The following RBPJ variants were observed in gnomAD, a reference collection of about 807,000 sequenced individuals.
The protein encoded by RBPJ is recombination signal binding protein for immunoglobulin kappa J region, also known as recombining binding protein suppressor of hairless.
In RBPJ, 9 loss-of-function variants were observed where a neutral mutation model predicts 67.8. That is an observed-to-expected ratio of 0.13 (90% CI 0.08 to 0.23). The LOEUF (loss-of-function observed/expected upper bound fraction) is 0.23. RBPJ is among the 10% of genes least tolerant of loss of function. RBPJ has a pLI of 1.00. For missense variants in RBPJ, 305 were observed against 595.6 expected (o/e 0.51, Z 5.08); for synonymous variants, 198 against 203.3 (o/e 0.97, Z 0.22).
chr4:26,345,899 T>A (rs1726083780), intron 1 of RBPJ, among the ~76,000 whole-genome samples: 1 of 152,200 alleles, frequency 6.6e-6, no homozygotes, highest in Non-Finnish European at 1.5e-5. Flanking sequence ...ATGCTGGGGC[T>A]TAAAATGACA....
intron 8 of RBPJ, 148 bp from the exon 9 acceptor site, chr4:26,429,750 T>C: frequency 1.5e-6 from 1 of 658,938 alleles, no homozygotes; most frequent in Non-Finnish European, 2.6e-6. Context: ...ATGTAGGGAT[T>C]GGCAAAGCAC....
chr4:26,293,375 T>C (rs1721738579), intron 1 of RBPJ, among the ~76,000 whole-genome samples: 1 of 150,340 alleles, frequency 6.7e-6, no homozygotes, highest in South Asian at 2.1e-4. Flanking sequence ...GGCTCACACC[T>C]GTAATCCCAG....
intron 3 of RBPJ, chr4:26,410,151 G>T (rs1239160901): frequency 5.1e-6 from 2 of 391,484 alleles, no homozygotes; most frequent in Non-Finnish European, 1.0e-5. Flanking sequence ...GGAGTGCACA[G>T]TGGGAAGAGG....
intron 1 of RBPJ, among the ~76,000 whole-genome samples, chr4:26,311,221 A>G (rs1577413669): frequency 1.3e-5 from 2 of 152,164 alleles, no homozygotes; most frequent in East Asian, 3.9e-4. Flanking sequence ...GTCTAAGATC[A>G]CACAGCTAGC....
At chr4:26,202,014 A>G (rs1411472282) in intron 1 of RBPJ, among the ~76,000 whole-genome samples, 3 of 152,130 alleles carry the variant, frequency 2.0e-5, no homozygotes, top group African/African-American at 4.8e-5. Context: ...CTTTTCCCCA[A>G]AAAACTTTCT....
At chr4:26,218,790 G>T (rs571493071) in intron 1 of RBPJ, among the ~76,000 whole-genome samples, 4 of 152,276 alleles carry the variant, frequency 2.6e-5, no homozygotes, top group East Asian at 3.9e-4. Flanking sequence ...GGTGCTCAGA[G>T]CCTGGAATAG....
intron 1 of RBPJ, among the ~76,000 whole-genome samples, chr4:26,175,858 C>A (rs184108754): frequency 3.9e-5 from 6 of 152,204 alleles, no homozygotes; most frequent in Non-Finnish European, 8.8e-5. Flanking sequence ...AGCATCCTGA[C>A]CTTCCCTCCA....
At chr4:26,206,751 CA>C (rs34568281) in intron 1 of RBPJ, among the ~76,000 whole-genome samples, 94,016 of 130,950 alleles carry the variant, frequency 0.72, 32,922 homozygotes, top group African/African-American at 0.78. Flanking sequence ...TTCATACCCT[CA>C]AAAAAAAAAA....
intron 1 of RBPJ, among the ~76,000 whole-genome samples, chr4:26,292,192 T>C (rs1036370766): frequency 1.3e-5 from 2 of 150,590 alleles, no homozygotes; most frequent in African/African-American, 4.9e-5. Context: ...TAACTGAAAG[T>C]TTGTACATTT....
chr4:26,416,707 T>A (rs1734626631), intron 4 of RBPJ, among the ~76,000 whole-genome samples: 1 of 152,186 alleles, frequency 6.6e-6, no homozygotes, highest in African/African-American at 2.4e-5. Flanking sequence ...TGTTGAATAT[T>A]TTAGTGTTTG....
intron 1 of RBPJ, among the ~76,000 whole-genome samples, chr4:26,197,888 GC>G (rs1200092142): frequency 1.3e-5 from 2 of 152,170 alleles, no homozygotes; most frequent in East Asian, 3.9e-4. Context: ...TTTATTAAGT[GC>G]CCATTTTCAG....
At chr4:26,314,137 A>G (rs887929892) in intron 1 of RBPJ, among the ~76,000 whole-genome samples, 1 of 152,142 alleles carries the variant, frequency 6.6e-6, no homozygotes, top group Non-Finnish European at 1.5e-5. Context: ...GCAAATAAGT[A>G]TATATATATC....
chr4:26,423,400 G>A (rs759861021), intron 5 of RBPJ, among the ~76,000 whole-genome samples: 1 of 152,222 alleles, frequency 6.6e-6, no homozygotes, highest in South Asian at 2.1e-4. Context: ...GAGCTAAACA[G>A]ACTGATGACG....
chr4:26,379,658 A>T (rs2109594165), intron 1 of RBPJ, among the ~76,000 whole-genome samples: 1 of 152,252 alleles, frequency 6.6e-6, no homozygotes, highest in East Asian at 1.9e-4. Context: ...CTCCCTCGAC[A>T]CATGGGGATT....
chr4:26,187,468 CGAAG>C (rs1293706451), intron 1 of RBPJ, among the ~76,000 whole-genome samples: 1 of 108,598 alleles, frequency 9.2e-6, no homozygotes, highest in South Asian at 3.4e-4. Flanking sequence ...AACATCTTCT[CGAAG>C]TAAGTATCAC....
chr4:26,113,504 T>C, the RBPJ span: 2 of 550,174 alleles, frequency 3.6e-6, no homozygotes, highest in Non-Finnish European at 7.1e-6. Context: ...CTGTAAGCAA[T>C]GTGGAAAAAC....
chr4:26,249,311 C>T (rs1164286511), intron 1 of RBPJ, among the ~76,000 whole-genome samples: 1 of 152,086 alleles, frequency 6.6e-6, no homozygotes, highest in Admixed American at 6.6e-5. Context: ...GTCTGAATGT[C>T]TGTGTTCCCT....
rs564465476 is a variant in RBPJ at position 26,344,363 on chromosome 4, T to C, written c.20+23315T>C. Among the ~76,000 whole-genome samples, 27 of 151,974 alleles carry C rather than the reference T, an allele frequency of 1.8e-4. No individual in the cohort carries two copies. In the East Asian group the frequency reaches 5.1e-3, roughly 28 times the overall value. ...CATTCTCCTGCGTCAGCCTCCGGAG[T>C]AGCTGGGACTACAGGCGCCTGCCAT... On this transcript the variant is annotated intron_variant, in intron 1 of 10. Transcript: ENST00000355476.
rs1043858900 is a variant in RBPJ at position 26,186,881 on chromosome 4, C to T, written c.-167+23267C>T. On this transcript the variant is annotated intron_variant, in intron 1 of 4. Transcript: ENST00000512351. ...CTGTTTTAAGTGACTTTATTATCCACGGAATACCCCAGCAATTTGCCCCTC... is the reference window on the plus strand; with the variant it reads ...CTGTTTTAAGTGACTTTATTATCCATGGAATACCCCAGCAATTTGCCCCTC... Among the ~76,000 whole-genome samples, 12 of 152,228 alleles carry T rather than the reference C, an allele frequency of 7.9e-5. 1 individual carries two copies. Among genetic ancestry groups the T allele is most frequent in the Admixed American group, 5.2e-4 (8 of 15,282 alleles).
Sources: allele counts gnomAD v4.1 joint callset (sites outside exome capture counted in the v4.1 genomes callset), GRCh38; gene constraint gnomAD v4.1.1; transcripts MANE v1.5; gene names NCBI Gene and HGNC (gene_info 2026-07-23, HGNC 2026-07-21).